Variants in PTPRS observed in about 807,000 individuals in gnomAD.
PTPRS encodes the protein protein tyrosine phosphatase receptor type S, also known as receptor-type tyrosine-protein phosphatase S.
A neutral mutation model predicts 215.3 loss-of-function variants in PTPRS; 63 were observed. The observed-to-expected ratio is 0.29, with a 90% CI of 0.24 to 0.36. The LOEUF is 0.36. Ranked by LOEUF, PTPRS falls within the 10% of genes least tolerant of loss-of-function variation. The probability of loss-of-function intolerance (pLI) is 1.00; values close to 1 mark genes in which losing one functional copy is unlikely to be tolerated. For missense variants in PTPRS, 2,258 were observed against 2,825.8 expected (o/e 0.80, Z 4.56); for synonymous variants, 1,404 against 1,191.4 (o/e 1.18, Z -3.68).
intron 1 of PTPRS, among the ~76,000 whole-genome samples, chr19:5,299,795 G>A (rs922394371): frequency 1.3e-5 from 2 of 152,078 alleles, no homozygotes; most frequent in South Asian, 2.1e-4. Flanking sequence ...GCTTGAACCT[G>A]GGAGGCGGAG....
At chr19:5,220,626 A>T (rs2041896986) in intron 20 of PTPRS, among the ~76,000 whole-genome samples, 1 of 152,198 alleles carries the variant, frequency 6.6e-6, no homozygotes, top group Non-Finnish European at 1.5e-5. Flanking sequence ...TTCAATGCCC[A>T]CATAACCTTG....
intron 1 of PTPRS, among the ~76,000 whole-genome samples, chr19:5,330,443 C>A (rs1191207525): frequency 6.6e-6 from 1 of 152,220 alleles, no homozygotes; most frequent in East Asian, 1.9e-4. Context: ...GGGGGACTTT[C>A]CGCCCGCTTG....
chr19:5,336,139 C>T (rs1424371581), intron 1 of PTPRS, among the ~76,000 whole-genome samples: 1 of 151,870 alleles, frequency 6.6e-6, no homozygotes, highest in Non-Finnish European at 1.5e-5. Flanking sequence ...TTTTCAAATT[C>T]CCCACACACA....
In PTPRS at chr19:5,287,974, A is replaced by G. The variant is rs984125539; in HGVS notation, c.-94-1740T>C. Among the ~76,000 whole-genome samples, 1 of 105,404 alleles carries G rather than the reference A, an allele frequency of 9.5e-6. No homozygotes were observed. Among genetic ancestry groups the G allele is most frequent in the African/African-American group, 4.4e-5 (1 of 22,640 alleles). 69.1% of individuals were successfully genotyped at this position (105,404 alleles called of 152,430 possible). On this transcript the variant is annotated intron_variant, in intron 1 of 37. Coordinates refer to ENST00000262963, the MANE Select transcript of PTPRS (RefSeq NM_002850.4). This position sits in a 1 kb window ranked among gnomAD's most constrained non-coding sequence, Gnocchi z 4.8. ...AGGCAGCAGAGACGGGCACACACACACACACACACACACACACACACACAC... is the reference window on the plus strand; with the variant it reads ...AGGCAGCAGAGACGGGCACACACACGCACACACACACACACACACACACAC...
chr19:5,327,021 G>A (rs967098325), intron 1 of PTPRS, among the ~76,000 whole-genome samples: 7 of 152,112 alleles, frequency 4.6e-5, no homozygotes, highest in South Asian at 2.1e-4. Context: ...CCACATTGAC[G>A]TGACTCAGTT....
chr19:5,320,535 C>A (rs964404396), intron 1 of PTPRS, among the ~76,000 whole-genome samples: 12 of 152,284 alleles, frequency 7.9e-5, no homozygotes, highest in African/African-American at 2.6e-4. Context: ...GATTCTCCTG[C>A]CTCAGCCTCC....
intron 1 of PTPRS, among the ~76,000 whole-genome samples, chr19:5,312,300 A>C (rs1568605962): frequency 6.6e-6 from 1 of 152,152 alleles, no homozygotes; most frequent in African/African-American, 2.4e-5. Context: ...CATGGCAGGG[A>C]CAGCGGGCAT....
intron 1 of PTPRS, among the ~76,000 whole-genome samples, chr19:5,311,036 C>T (rs1170838191): frequency 2.6e-5 from 4 of 152,160 alleles, no homozygotes; most frequent in Admixed American, 1.3e-4. Flanking sequence ...CATGCCACCA[C>T]GCCCAGCTAA....
At chr19:5,332,438 A>C (rs1220138855) in intron 1 of PTPRS, among the ~76,000 whole-genome samples, 1 of 152,112 alleles carries the variant, frequency 6.6e-6, no homozygotes, top group East Asian at 1.9e-4. Flanking sequence ...AAAATTGGGC[A>C]ATTTTACTTA....
chr19:5,276,414 G>T (rs898676520), intron 2 of PTPRS, among the ~76,000 whole-genome samples: 1 of 151,954 alleles, frequency 6.6e-6, no homozygotes, highest in African/African-American at 2.4e-5. Context: ...GTAGAGATGG[G>T]GTTTCACCAT....
In PTPRS at chr19:5,211,780, A is replaced by C; in HGVS notation, c.5056-12T>G. ...GAGTTAGCCAGCCGCTGTGGGGAGG[A>C]GGAAGCCAGAGGCCACCATCAGGAT... is the stretch of plus-strand genomic sequence containing the variant. On this transcript the variant is annotated splice_polypyrimidine_tract_variant and intron_variant, in intron 32 of 37. Transcript: ENST00000262963. 6.2e-7 allele frequency: 1 copy of C among 1,607,272 alleles called. No homozygotes were observed. Among genetic ancestry groups the C allele is most frequent in the South Asian group, 1.1e-5 (1 of 90,960 alleles).
At chr19:5,305,766 T>TA (rs372468377) in intron 1 of PTPRS, among the ~76,000 whole-genome samples, 4,709 of 109,488 alleles carry the variant, frequency 0.043, 123 homozygotes, top group East Asian at 0.11. Flanking sequence ...TATATATATA[T>TA]TTTTTTTTTA....
At chr19:5,332,180 G>A (rs1233517316) in intron 1 of PTPRS, among the ~76,000 whole-genome samples, 1 of 151,780 alleles carries the variant, frequency 6.6e-6, no homozygotes, top group East Asian at 1.9e-4. Flanking sequence ...AGGCTGGAGT[G>A]CAAGTGGCAT....
At chr19:5,337,659 G>A (rs985490526) in intron 1 of PTPRS, among the ~76,000 whole-genome samples, 2 of 152,306 alleles carry the variant, frequency 1.3e-5, no homozygotes, top group East Asian at 3.9e-4. Flanking sequence ...CCCAGGCAGA[G>A]CCCCAGGCTC....
chr19:5,321,763 T>C (rs946275508), intron 1 of PTPRS, among the ~76,000 whole-genome samples: 6 of 151,958 alleles, frequency 3.9e-5, no homozygotes, highest in African/African-American at 1.5e-4. Flanking sequence ...ATTGTCTCCA[T>C]TTCCAGATGG....
At chr19:5,288,691 A>G (rs2048564167) in intron 1 of PTPRS, among the ~76,000 whole-genome samples, 1 of 152,220 alleles carries the variant, frequency 6.6e-6, no homozygotes. Flanking sequence ...CTGAGGCAGC[A>G]TAGCAAACCT....
chr19:5,273,613 G>A (rs775030699), intron 3 of PTPRS, 30 bp from the exon 4 acceptor site: 6 of 1,613,314 alleles, frequency 3.7e-6, no homozygotes, highest in Non-Finnish European at 5.1e-6. Flanking sequence ...AAAGAACAGA[G>A]TGAGGCTGGG....
Position 5,223,110 on chromosome 19 carries a change from G to A in PTPRS, c.2682C>T (p.Gly894=). 7.0e-6 allele frequency: 11 copies of A among 1,567,218 alleles called. No homozygotes were observed. Among genetic ancestry groups the A allele is most frequent in the African/African-American group, 1.4e-5 (1 of 73,546 alleles). The change falls in exon 18 of 38, where the codon GGC becomes GGT. Residue 894 remains glycine, a synonymous_variant. Transcript: ENST00000262963. ...PPSEDRYTAS[G]VHKGATYVFR... ...ACACATACGTGGCCCCCTTGTGCACGCCTGATGCCGTGTAGCGGTCCTCGG... is the reference window on the plus strand; with the variant it reads ...ACACATACGTGGCCCCCTTGTGCACACCTGATGCCGTGTAGCGGTCCTCGG...
At chr19:5,316,347 C>G (rs1238371128) in intron 1 of PTPRS, among the ~76,000 whole-genome samples, 1 of 152,218 alleles carries the variant, frequency 6.6e-6, no homozygotes, top group Non-Finnish European at 1.5e-5. Flanking sequence ...GTCCAGCTCT[C>G]CTGAATGCCT....
Sources: gnomAD v4.1 joint callset for allele counts (sites outside exome capture counted in the v4.1 genomes callset) on GRCh38, gnomAD v4.1.1 for gene constraint, Gnocchi (gnomAD v3.1) non-coding constraint, MANE v1.5 for transcripts, NCBI Gene and HGNC (gene_info 2026-07-23, HGNC 2026-07-21) for gene names.